The following CAMTA1 variants were observed in gnomAD, a reference collection of about 807,000 sequenced individuals.
CAMTA1 encodes the protein calmodulin binding transcription activator 1.
A neutral mutation model predicts 170.9 loss-of-function variants in CAMTA1; 27 were observed. The ratio of observed to expected loss-of-function variants is 0.16; its 90% CI spans 0.12 to 0.22. The LOEUF (loss-of-function observed/expected upper bound fraction) is 0.22, where lower values mean the gene tolerates loss of function less well. Ranked by LOEUF, CAMTA1 falls within the 10% of genes least tolerant of loss-of-function variation. CAMTA1 has a pLI of 1.00. For synonymous variants in CAMTA1, 833 were observed against 891.5 expected, an observed-to-expected ratio of 0.93 and a Z score of 1.17; for missense variants, 1,619 against 2,217.2, an observed-to-expected ratio of 0.73 and a Z score of 5.42.
At chr1:6,872,232 A>C (rs571687566) in intron 3 of CAMTA1, among the ~76,000 whole-genome samples, 33 of 141,294 alleles carry the variant, frequency 2.3e-4, no homozygotes, top group Middle Eastern at 3.6e-3. Context: ...CACCCTCACC[A>C]TCACCACCAC....
At chr1:7,572,981 G>C (rs566188411) in intron 6 of CAMTA1, among the ~76,000 whole-genome samples, 1 of 152,180 alleles carries the variant, frequency 6.6e-6, no homozygotes, top group African/African-American at 2.4e-5. Context: ...GGCAGCCGGC[G>C]CCTGAACTCA....
At chr1:7,380,711 G>C (rs1243835695) in intron 5 of CAMTA1, among the ~76,000 whole-genome samples, 1 of 152,242 alleles carries the variant, frequency 6.6e-6, no homozygotes, top group Non-Finnish European at 1.5e-5. Context: ...GAAATAGTTT[G>C]AAGAGTCTTT....
chr1:7,373,251 C>T (rs1444776914), intron 5 of CAMTA1, among the ~76,000 whole-genome samples: 2 of 152,178 alleles, frequency 1.3e-5, no homozygotes, highest in African/African-American at 4.8e-5. Context: ...CTCTGCCAGT[C>T]GTGACTGCTA....
At chr1:7,185,059 A>AT (rs1208778027) in intron 4 of CAMTA1, among the ~76,000 whole-genome samples, 1 of 152,200 alleles carries the variant, frequency 6.6e-6, no homozygotes, top group Non-Finnish European at 1.5e-5. Flanking sequence ...AATGGGAGCC[A>AT]TTTTTTCCTC....
intron 6 of CAMTA1, among the ~76,000 whole-genome samples, chr1:7,577,158 A>C (rs111995636): frequency 1.3e-5 from 2 of 152,176 alleles, no homozygotes; most frequent in African/African-American, 4.8e-5. Flanking sequence ...CCGGAGGCCC[A>C]GTGTGCTTGG....
At chr1:7,688,011 C>CTTTTTTTTTTTTTTT (rs70987364) in intron 11 of CAMTA1, among the ~76,000 whole-genome samples, 7,278 of 102,458 alleles carry the variant, frequency 0.071, 821 homozygotes, top group South Asian at 0.11. Context: ...CTCATTATTC[C>CTTTTTTTTTTTTTTT]TTTTTTTTTT....
rs1188130119 is a variant in CAMTA1, at chr1:7,704,015, G to A, written c.2914+26282G>A. Among the ~76,000 whole-genome samples the A allele has an allele frequency of 3.3e-5, 5 of 151,936 alleles. No homozygotes were observed. In the South Asian group the frequency reaches 8.3e-4, roughly 25 times the overall value. On this transcript the variant is annotated intron_variant, in intron 11 of 22. Transcript: ENST00000303635. ...GCACCCCCTCCCCAAAGCCGGAGCC[G>A]CCGCCACCGTCCCCGCCCACCGTCC...
At chr1:7,397,195 A>G (rs1366806990) in intron 5 of CAMTA1, among the ~76,000 whole-genome samples, 1 of 152,050 alleles carries the variant, frequency 6.6e-6, no homozygotes, top group East Asian at 1.9e-4. Flanking sequence ...CCAATTTTCT[A>G]TTTCTTCATA....
chr1:7,457,359 G>T (rs1286911611), intron 5 of CAMTA1, among the ~76,000 whole-genome samples: 11 of 151,994 alleles, frequency 7.2e-5, no homozygotes. Context: ...TAGGCCGGCG[G>T]CCGCTTTATT....
intron 11 of CAMTA1, among the ~76,000 whole-genome samples, chr1:7,691,888 T>C (rs1298211464): frequency 6.6e-6 from 1 of 151,794 alleles, no homozygotes; most frequent in African/African-American, 2.4e-5. Context: ...TTAATTATCA[T>C]TGTGCCCCAG....
chr1:6,961,957 C>G (rs912025940), intron 3 of CAMTA1, among the ~76,000 whole-genome samples: 1 of 152,350 alleles, frequency 6.6e-6, no homozygotes, highest in African/African-American at 2.4e-5. Context: ...TGCATCTCTC[C>G]CCGGCGGCCA....
intron 3 of CAMTA1, among the ~76,000 whole-genome samples, chr1:6,949,852 C>T (rs143064829): frequency 6.6e-6 from 1 of 152,378 alleles, no homozygotes; most frequent in African/African-American, 2.4e-5. Flanking sequence ...CACGCCAGGC[C>T]CTTCTGCGTC....
intron 3 of CAMTA1, among the ~76,000 whole-genome samples, chr1:6,982,010 A>G (rs1403446427): frequency 6.6e-6 from 1 of 152,256 alleles, no homozygotes; most frequent in African/African-American, 2.4e-5. Context: ...GATTACAGGC[A>G]TAATGTATTT....
intron 3 of CAMTA1, among the ~76,000 whole-genome samples, chr1:7,034,316 C>A (rs907380356): frequency 5.3e-5 from 8 of 152,130 alleles, no homozygotes; most frequent in African/African-American, 1.9e-4. Flanking sequence ...ACCACCACAG[C>A]CAGTTAATTT....
intron 4 of CAMTA1, among the ~76,000 whole-genome samples, chr1:7,136,937 A>G (rs1645577926): frequency 6.6e-6 from 1 of 152,098 alleles, no homozygotes; most frequent in Admixed American, 6.5e-5. Context: ...CACACTTTTT[A>G]CATGCTGATG....
chr1:7,086,086 C>T (rs1359835921), intron 3 of CAMTA1, among the ~76,000 whole-genome samples: 1 of 152,112 alleles, frequency 6.6e-6, no homozygotes, highest in East Asian at 1.9e-4. Flanking sequence ...CTCCAAAGCC[C>T]CTGCAGCACA....
At chr1:7,719,970 C>T (rs1386885105) in intron 11 of CAMTA1, among the ~76,000 whole-genome samples, 2 of 152,224 alleles carry the variant, frequency 1.3e-5, no homozygotes, top group Non-Finnish European at 2.9e-5. Context: ...CTACAAATAA[C>T]GTGTTTTAAA....
At chr1:7,400,455 C>T (rs1197944390) in intron 5 of CAMTA1, among the ~76,000 whole-genome samples, 2 of 152,078 alleles carry the variant, frequency 1.3e-5, no homozygotes, top group East Asian at 3.9e-4. Context: ...TTATATTGAG[C>T]TTTTTCCAGG....
intron 6 of CAMTA1, among the ~76,000 whole-genome samples, chr1:7,604,062 T>C (rs2095467419): frequency 1.3e-5 from 2 of 152,260 alleles, no homozygotes; most frequent in African/African-American, 4.8e-5. Context: ...ACTGTTACTC[T>C]GATGGGCTTC....
Sources: gnomAD v4.1 joint callset for allele counts (sites outside exome capture counted in the v4.1 genomes callset) on GRCh38, gnomAD v4.1.1 for gene constraint, MANE v1.5 for transcripts, NCBI Gene and HGNC (gene_info 2026-07-23, HGNC 2026-07-21) for gene names.